RORA: variants seen among roughly 807,000 people sequenced by gnomAD.
The protein encoded by RORA is nuclear receptor ROR-alpha.
Under a neutral mutation model 69.5 loss-of-function variants are expected in RORA, and 7 were observed. The observed-to-expected ratio is 0.10, with a 90% CI of 0.06 to 0.19. The LOEUF is 0.19. Ranked by LOEUF, RORA falls within the 10% of genes least tolerant of loss-of-function variation. The pLI is 1.00. For missense variants in RORA, 457 were observed against 663.0 expected, an observed-to-expected ratio of 0.69 and a Z score of 3.41; for synonymous variants, 261 against 240.8, an observed-to-expected ratio of 1.08 and a Z score of -0.78.
intron 2 of RORA, among the ~76,000 whole-genome samples, chr15:60,616,379 T>C (rs2069245562): frequency 6.6e-6 from 1 of 152,168 alleles, no homozygotes; most frequent in Non-Finnish European, 1.5e-5. Context: ...TAAAATCTCA[T>C]CTCCCACACC....
intron 2 of RORA, among the ~76,000 whole-genome samples, chr15:60,597,854 A>C (rs1212023902): frequency 6.6e-6 from 1 of 150,788 alleles, no homozygotes; most frequent in Non-Finnish European, 1.5e-5. Flanking sequence ...CTGCTTTCAG[A>C]ATCATTCCCC....
chr15:60,970,701 A>G (rs552579384), intron 1 of RORA, among the ~76,000 whole-genome samples: 1 of 152,334 alleles, frequency 6.6e-6, no homozygotes. Context: ...TGATATTCAT[A>G]TGGTAATAAA....
At chr15:60,574,930 G>C (rs16942772) in intron 2 of RORA, among the ~76,000 whole-genome samples, 1 of 151,856 alleles carries the variant, frequency 6.6e-6, no homozygotes, top group Admixed American at 6.6e-5. Flanking sequence ...TGTGTCACCC[G>C]GAAGAGCCAG....
intron 2 of RORA, among the ~76,000 whole-genome samples, chr15:60,536,386 T>C (rs2066679768): frequency 6.6e-6 from 1 of 152,226 alleles, no homozygotes; most frequent in African/African-American, 2.4e-5. Context: ...CTCCAGACTT[T>C]AAGCTCTTTC....
chr15:61,217,745 G>C (rs1272236093), intron 1 of RORA, among the ~76,000 whole-genome samples: 1 of 152,124 alleles, frequency 6.6e-6, no homozygotes, highest in Non-Finnish European at 1.5e-5. Flanking sequence ...CTTACACACT[G>C]ATGTCAGCTC....
At chr15:61,090,096 T>A (rs1418332499) in intron 1 of RORA, among the ~76,000 whole-genome samples, 3 of 152,210 alleles carry the variant, frequency 2.0e-5, no homozygotes, top group Non-Finnish European at 4.4e-5. Flanking sequence ...CCATTCGTAA[T>A]ATTCAGTAAG....
At chr15:61,170,840 G>A (rs1596043918) in intron 1 of RORA, among the ~76,000 whole-genome samples, 1 of 152,154 alleles carries the variant, frequency 6.6e-6, no homozygotes, top group South Asian at 2.1e-4. Flanking sequence ...AATTGGGGCT[G>A]GATAGTGCAC....
chr15:60,955,555 C>T (rs1164310837), intron 1 of RORA, among the ~76,000 whole-genome samples: 1 of 152,128 alleles, frequency 6.6e-6, no homozygotes, highest in Non-Finnish European at 1.5e-5. Flanking sequence ...AAATGCAATA[C>T]AAATATTTTT....
At chr15:60,958,044 G>A (rs998486188) in intron 1 of RORA, among the ~76,000 whole-genome samples, 3 of 151,184 alleles carry the variant, frequency 2.0e-5, no homozygotes, top group African/African-American at 4.9e-5. Flanking sequence ...GAAATTGTTC[G>A]TCTACTTTAT....
chr15:61,047,140 G>A (rs1299734695), intron 1 of RORA, among the ~76,000 whole-genome samples: 3 of 152,170 alleles, frequency 2.0e-5, no homozygotes, highest in Admixed American at 6.5e-5. Context: ...CATGCTGAGC[G>A]GCCTTCAAAA....
chr15:61,076,391 T>A (rs192543405), intron 1 of RORA, among the ~76,000 whole-genome samples: 153 of 145,256 alleles, frequency 1.1e-3, no homozygotes, highest in Non-Finnish European at 1.6e-3. Context: ...AAGGAGGGCA[T>A]CTCTTGATCA....
chr15:60,612,661 G>GTTTTTTTTTTTTTTTTTTTTTT (rs71122864), intron 2 of RORA, among the ~76,000 whole-genome samples: 5 of 107,162 alleles, frequency 4.7e-5, no homozygotes, highest in Admixed American at 1.1e-4. Flanking sequence ...CTCTCTCTCT[G>GTTTTTTTTTTTTTTTTTTTTTT]TTTTTTTTTT....
chr15:60,528,074 A>AGAC (rs1335203889), intron 3 of RORA: 2 of 151,980 alleles, frequency 1.3e-5, no homozygotes, highest in Non-Finnish European at 2.9e-5. Flanking sequence ...TTTTTTTTTG[A>AGAC]GACAGGGGTC....
rs539355141 is a variant in RORA at position 61,213,996 on chromosome 15, A to C, written c.166+15057T>G. 11 of 152,332 alleles carry C rather than the reference A, an allele frequency of 7.2e-5. No homozygotes were observed. The highest frequency in any genetic ancestry group is 2.0e-4 in the Admixed American group (3 of 15,302). 9.4% of individuals were successfully genotyped at this position (152,332 alleles called of 1,614,324 possible). A position where few individuals can be genotyped will look rare whatever the true frequency, so the allele number is the denominator to read the frequency against. The stretch of plus-strand genomic sequence containing the variant: ...TAAACTGCACGTCACTAGCATCCTG[A>C]GGGCATTCACCGAATGCTCATGTAA... On this transcript the variant is annotated intron_variant, in intron 1 of 10. Transcript: ENST00000335670. This position sits in a 1 kb window ranked among gnomAD's most constrained non-coding sequence, Gnocchi z 4.1.
intron 2 of RORA, among the ~76,000 whole-genome samples, chr15:60,533,450 A>G (rs929061445): frequency 1.4e-4 from 21 of 152,124 alleles, no homozygotes; most frequent in African/African-American, 5.1e-4. Context: ...AGTCTGCCTC[A>G]TGTTAACACT....
intron 1 of RORA, among the ~76,000 whole-genome samples, chr15:61,043,071 C>T (rs1420176832): frequency 6.6e-6 from 1 of 152,138 alleles, no homozygotes; most frequent in Non-Finnish European, 1.5e-5. Context: ...GATGGGAAGA[C>T]TTCTAAGAAC....
intron 1 of RORA, among the ~76,000 whole-genome samples, chr15:61,090,536 C>T (rs2078690199): frequency 6.6e-6 from 1 of 152,198 alleles, no homozygotes; most frequent in African/African-American, 2.4e-5. Flanking sequence ...TGCCCATTAA[C>T]TCATTATCGG....
intron 1 of RORA, among the ~76,000 whole-genome samples, chr15:61,076,159 G>A (rs1279046424): frequency 3.3e-5 from 5 of 152,224 alleles, no homozygotes; most frequent in Admixed American, 3.3e-4. Context: ...TGCGTCAGAT[G>A]TGCCAGGGAA....
chr15:60,716,146 G>A (rs867185396), intron 1 of RORA, among the ~76,000 whole-genome samples: 96 of 152,254 alleles, frequency 6.3e-4, no homozygotes, highest in Admixed American at 1.8e-3. Flanking sequence ...TATAGTTGCC[G>A]AGTGATGCCA....
Sources: allele counts gnomAD v4.1 joint callset (sites outside exome capture counted in the v4.1 genomes callset), GRCh38; gene constraint gnomAD v4.1.1; non-coding constraint Gnocchi (gnomAD v3.1); transcripts MANE v1.5; gene names NCBI Gene and HGNC (gene_info 2026-07-23, HGNC 2026-07-21).